The following ESR2 variants were observed in gnomAD, a reference collection of about 807,000 sequenced individuals.
The protein encoded by ESR2 is estrogen receptor 2.
In ESR2, 36 loss-of-function variants were observed where a neutral mutation model predicts 49.6. The ratio of observed to expected loss-of-function variants is 0.73; its 90% confidence interval spans 0.56 to 0.96. The LOEUF is 0.96. ESR2 is among the 40% of genes least tolerant of loss of function. The pLI is 0.00. For synonymous variants in ESR2, 320 were observed against 266.1 expected (o/e 1.20, Z -1.97); for missense variants, 714 against 693.0 (o/e 1.03, Z -0.34).
At chr14:64,304,420 G>A (rs2077064357) in intron 1 of ESR2, among the ~76,000 whole-genome samples, 2 of 152,160 alleles carry the variant, frequency 1.3e-5, no homozygotes, top group South Asian at 2.1e-4. Flanking sequence ...GGTCTTTGGT[G>A]CTGTTTGTTC....
At chr14:64,313,559 AAG>A (rs1050613403) in intron 1 of ESR2, among the ~76,000 whole-genome samples, 5 of 150,630 alleles carry the variant, frequency 3.3e-5, no homozygotes, top group African/African-American at 1.2e-4. Flanking sequence ...AAGAAAAGGA[AAG>A]AGAGAGAGAA....
chr14:64,278,599 G>T (rs2076603095), intron 3 of ESR2, among the ~76,000 whole-genome samples: 1 of 152,190 alleles, frequency 6.6e-6, no homozygotes, highest in African/African-American at 2.4e-5. Flanking sequence ...CTTTCAGATG[G>T]AAACATAGGG....
chr14:64,261,470 T>C (rs1426404588), intron 4 of ESR2, among the ~76,000 whole-genome samples: 3 of 152,204 alleles, frequency 2.0e-5, no homozygotes, highest in African/African-American at 4.8e-5. Flanking sequence ...CAGGCTGCAG[T>C]TCAGTGGCAC....
Position 64,235,102 on chromosome 14 carries a change from T to C in ESR2, c.1274A>G (p.Lys425Arg). Residue 425 changes from lysine (K) to arginine (R), a missense_variant, in exon 8 of 9, where the codon AAG becomes AGG. Transcript: ENST00000341099. ...TATQDADSSRKLAHLLNAVTD... is the reference protein window; with the variant it reads ...TATQDADSSRRLAHLLNAVTD... The stretch of plus-strand genomic sequence containing the variant: ...CACGGCGTTCAGCAAGTGAGCCAGC[T>C]TCCGGCTGCTGTCAGCATCCTGGGT... 1 of 1,614,136 alleles carries C rather than the reference T, an allele frequency of 6.2e-7. No homozygotes were observed. Among genetic ancestry groups the C allele is most frequent in the Non-Finnish European group, 8.5e-7 (1 of 1,180,024 alleles).
intron 3 of ESR2, 133 bp from the exon 4 acceptor site, chr14:64,269,044 A>G: frequency 1.7e-6 from 1 of 598,000 alleles, no homozygotes; most frequent in Admixed American, 2.9e-5. Context: ...GTACAGGTAC[A>G]AAGCCAAAGT....
Position 64,250,018 on chromosome 14 carries a change from T to C in ESR2, c.1092-339A>G, listed in dbSNP as rs145715587. On this transcript the variant is annotated intron_variant, in intron 6 of 8. Coordinates refer to ENST00000341099, the MANE Select transcript of ESR2 (RefSeq NM_001437.3). ...TACCACTCCTATTGATTGTTTTCAATCAAAACCATATCAGTCAACCAGCCC... is the reference window on the plus strand; with the variant it reads ...TACCACTCCTATTGATTGTTTTCAACCAAAACCATATCAGTCAACCAGCCC... Among the ~76,000 whole-genome samples the C allele has an allele frequency of 3.3e-5, 5 of 152,332 alleles. No homozygotes were observed. In the East Asian group the frequency reaches 9.6e-4, roughly 29 times the overall value.
Position 64,234,926 on chromosome 14 carries a change from A to G in ESR2, c.1406+44T>C, listed in dbSNP as rs57659495. ...CACTTCACCCTCCGTGGAGCACATA[A>G]TCCCATCCCAAGCCCAAGCAGAGCA... On this transcript the variant is annotated intron_variant, in intron 8 of 8. Coordinates refer to ENST00000341099, the MANE Select transcript of ESR2 (RefSeq NM_001437.3). 3.1e-3 allele frequency: 5,027 copies of G among 1,599,982 alleles called. 153 individuals are homozygous for G. The African/African-American group carries it at 0.058, about 19-fold the overall frequency.
intron 3 of ESR2, among the ~76,000 whole-genome samples, chr14:64,272,977 T>G (rs1031346945): frequency 6.7e-6 from 1 of 149,326 alleles, no homozygotes; most frequent in Non-Finnish European, 1.5e-5. Context: ...TATTAATTCC[T>G]CCATTCCATG....
intron 7 of ESR2, among the ~76,000 whole-genome samples, chr14:64,249,236 G>C (rs1267992764): frequency 3.3e-5 from 5 of 152,128 alleles, no homozygotes; most frequent in African/African-American, 1.2e-4. Flanking sequence ...ACCATGTAAA[G>C]TGTCTGTGTG....
intron 8 of ESR2, 143 bp downstream of exon 8, chr14:64,234,827 G>C: frequency 6.9e-7 from 1 of 1,456,616 alleles, no homozygotes; most frequent in Non-Finnish European, 9.1e-7. Context: ...TTGCTTACAG[G>C]TGTGTGAACT....
At chr14:64,263,837 C>T (rs918540794) in intron 4 of ESR2, among the ~76,000 whole-genome samples, 12 of 152,120 alleles carry the variant, frequency 7.9e-5, no homozygotes, top group Non-Finnish European at 1.6e-4. Flanking sequence ...ACATAATTAA[C>T]AAGCTTGATC....
chr14:64,241,183 T>A (rs1304141420), intron 7 of ESR2, among the ~76,000 whole-genome samples: 1 of 149,034 alleles, frequency 6.7e-6, no homozygotes, highest in Non-Finnish European at 1.5e-5. Flanking sequence ...TAGGCTAGGC[T>A]AAGCTATGAT....
chr14:64,334,000 T>A (rs72722346), intron 1 of ESR2, among the ~76,000 whole-genome samples: 1 of 152,200 alleles, frequency 6.6e-6, no homozygotes, highest in African/African-American at 2.4e-5. Context: ...CAGTGTTCAA[T>A]ACATTTTTAA....
intron 7 of ESR2, among the ~76,000 whole-genome samples, chr14:64,241,078 G>A (rs1185573174): frequency 3.3e-5 from 5 of 149,696 alleles, no homozygotes; most frequent in South Asian, 2.1e-4. Flanking sequence ...CCCTGGAGGC[G>A]GAGCTTGCAG....
At position 64,260,528 on chromosome 14, in the gene ESR2, C is replaced by T. The variant is rs527718361; in HGVS notation, c.873G>A (p.Glu291=). 6.4e-7 allele frequency: 1 copy of T among 1,561,592 alleles called. No individual in the cohort carries two copies. Among genetic ancestry groups the T allele is most frequent in the Non-Finnish European group, 8.7e-7 (1 of 1,153,348 alleles). ...TGGTCAGGGACATCATCATGGAGGC[C>T]TCGGTGAAGGGCGCACTGGGGCGGC... ...LISRPSAPFT[E]ASMMMSLTKL... The change falls in exon 5 of 9, where the codon GAG becomes GAA. Residue 291 remains glutamate, a synonymous_variant. Transcript: ENST00000341099.
At chr14:64,260,978 G>C (rs1011052318) in intron 4 of ESR2, among the ~76,000 whole-genome samples, 5 of 138,432 alleles carry the variant, frequency 3.6e-5, no homozygotes, top group African/African-American at 1.0e-4. Context: ...TCATAAACCT[G>C]TTTCCAAACC....
chr14:64,336,297 C>T (rs1352459981), intron 1 of ESR2: 1 of 152,108 alleles, frequency 6.6e-6, no homozygotes, highest in Non-Finnish European at 1.5e-5. Context: ...TAATATCAAA[C>T]TGCCCTTCAA....
rs111918185 is a variant in ESR2, at chr14:64,282,979, T to C, written c.7A>G (p.Ile3Val). Residue 3 changes from isoleucine (I) to valine (V), a missense_variant, in exon 2 of 9, where the codon ATA becomes GTA. Coordinates refer to ENST00000341099, the MANE Select transcript of ESR2 (RefSeq NM_001437.3). ...TTAAGGCTAGATGGTGAGTTTTTTA[T>C]ATCCATGTCTTGAGATAACAGCTGA... MD[I>V]KNSPSSLNSP... 6.4e-4 allele frequency: 1,035 copies of C among 1,611,198 alleles called. 11 individuals are homozygous for C. In the African/African-American group the frequency reaches 0.012, roughly 19 times the overall value.
intron 1 of ESR2, among the ~76,000 whole-genome samples, chr14:64,333,818 T>C (rs1237322593): frequency 6.6e-6 from 1 of 152,134 alleles, no homozygotes; most frequent in Non-Finnish European, 1.5e-5. Flanking sequence ...GAGATTTGGG[T>C]GGGGACACAG....
Sources: allele counts gnomAD v4.1 joint callset (sites outside exome capture counted in the v4.1 genomes callset), GRCh38; gene constraint gnomAD v4.1.1; transcripts MANE v1.5; gene names NCBI Gene and HGNC (gene_info 2026-07-23, HGNC 2026-07-21).